Variants in SIDT1 observed in about 807,000 individuals in gnomAD.
SIDT1 encodes SID1 transmembrane family, member 1.
A neutral mutation model predicts 107.5 loss-of-function variants in SIDT1; 101 were observed. That is an observed-to-expected ratio of 0.94 (90% CI 0.80 to 1.11). The LOEUF (loss-of-function observed/expected upper bound fraction) is 1.11, where lower values mean the gene tolerates loss of function less well. SIDT1 is among the 50% of genes least tolerant of loss of function. The pLI, the probability that SIDT1 is intolerant of heterozygous loss-of-function variation, is 0.00. For synonymous variants in SIDT1, 395 were observed against 398.2 expected, an observed-to-expected ratio of 0.99 and a Z score of 0.10; for missense variants, 1,076 against 1,058.2, an observed-to-expected ratio of 1.02 and a Z score of -0.23.
At chr3:113,598,256 G>A (rs933929634) in intron 10 of SIDT1, among the ~76,000 whole-genome samples, 9 of 152,218 alleles carry the variant, frequency 5.9e-5, no homozygotes, top group Admixed American at 3.3e-4. Context: ...AGTCTGAACA[G>A]ACCTACACAG....
intron 1 of SIDT1, among the ~76,000 whole-genome samples, chr3:113,540,062 A>G (rs1938633933): frequency 1.3e-5 from 2 of 151,712 alleles, no homozygotes; most frequent in South Asian, 4.2e-4. Flanking sequence ...AAAGATGGCC[A>G]CTTGGAGAAA....
chr3:113,615,250 G>A (rs1273813386), intron 19 of SIDT1, among the ~76,000 whole-genome samples: 1 of 152,210 alleles, frequency 6.6e-6, no homozygotes, highest in African/African-American at 2.4e-5. Context: ...ACCCTAGCCT[G>A]CTCCATGCCT....
rs559096490 is a variant in SIDT1 at position 113,580,756 on chromosome 3, A to G, written c.663+47A>G. On this transcript the variant is annotated intron_variant, in intron 5 of 24. Transcript: ENST00000264852. ...ACCTTCTACTATAGAGCATTATATT[A>G]TTCCAGAACAAATGAAAGAGAAGGG... 14 of 1,179,818 alleles carry G rather than the reference A, an allele frequency of 1.2e-5. No homozygotes were observed. The African/African-American group carries it at 2.1e-4, about 18-fold the overall frequency. 73.1% of individuals were successfully genotyped at this position (1,179,818 alleles called of 1,614,324 possible).
chr3:113,611,965 G>A, intron 18 of SIDT1, 121 bp from the exon 19 acceptor site: 1 of 675,076 alleles, frequency 1.5e-6, no homozygotes, highest in South Asian at 1.8e-5. Context: ...TCCAGAGGGG[G>A]AGAAAAATAG....
chr3:113,614,977 A>G (rs1946000802), intron 19 of SIDT1: 3 of 1,402,380 alleles, frequency 2.1e-6, no homozygotes, highest in Non-Finnish European at 2.9e-6. Flanking sequence ...AGAAAAAATA[A>G]AATGACCAGT....
chr3:113,597,924 C>T lies in SIDT1; in HGVS notation c.1046-3664C>T, dbSNP rs1416662948. Among the ~76,000 whole-genome samples the T allele has an allele frequency of 3.3e-5, 5 of 152,290 alleles. No homozygotes were observed. In the South Asian group the frequency reaches 1.0e-3, roughly 32 times the overall value. ...GTTAAATATAGATATGGCTTGCCTT[C>T]CCAGACCATACTTGACGTTTAGAAG... On this transcript the variant is annotated intron_variant, in intron 10 of 24. Coordinates refer to ENST00000264852, the MANE Select transcript of SIDT1 (RefSeq NM_017699.3).
rs112159689 is a variant in SIDT1, at chr3:113,624,073, C to T, written c.2307+340C>T. Among the ~76,000 whole-genome samples, 429 of 152,300 alleles carry T rather than the reference C, an allele frequency of 2.8e-3. 7 individuals are homozygous for T. Among genetic ancestry groups the T allele is most frequent in the African/African-American group, 9.8e-3 (408 of 41,554 alleles). On this transcript the variant is annotated intron_variant, in intron 23 of 24. Coordinates refer to ENST00000264852, the MANE Select transcript of SIDT1 (RefSeq NM_017699.3). ...CATAATCTCCATCCATCAACAAATA[C>T]CCAAGCTGAGTGTCATTACATCCAG...
intron 1 of SIDT1, among the ~76,000 whole-genome samples, chr3:113,559,665 G>A (rs975293571): frequency 1.1e-4 from 17 of 152,030 alleles, no homozygotes; most frequent in African/African-American, 4.1e-4. Context: ...GGCTGGTTTC[G>A]AACTCCTGAG....
At chr3:113,611,881 C>T (rs898163868) in intron 18 of SIDT1, among the ~76,000 whole-genome samples, 1 of 150,844 alleles carries the variant, frequency 6.6e-6, no homozygotes, top group Non-Finnish European at 1.5e-5. Flanking sequence ...CTCCTATTTC[C>T]TTTTTCCATT....
chr3:113,602,999 T>C lies in SIDT1; in HGVS notation c.1118-6T>C. ...TTTGATGGCAGATGAGTTGTCTCTG[T>C]TTCAGATGAGTCAAGCTCCAGTCCT... On this transcript the variant is annotated splice_polypyrimidine_tract_variant and splice_region_variant and intron_variant, in intron 11 of 24. Coordinates refer to ENST00000264852, the MANE Select transcript of SIDT1 (RefSeq NM_017699.3). 11 of 1,613,470 alleles carry C rather than the reference T, an allele frequency of 6.8e-6. No homozygotes were observed. Among genetic ancestry groups the C allele is most frequent in the Non-Finnish European group, 8.5e-6 (10 of 1,179,694 alleles).
At chr3:113,607,211 G>C in intron 15 of SIDT1, 97 bp downstream of exon 15, 2 of 766,094 alleles carry the variant, frequency 2.6e-6, no homozygotes. Context: ...AACAACTGTG[G>C]AAAACGACCC....
chr3:113,576,102 C>G lies in SIDT1; in HGVS notation c.516-820C>G, dbSNP rs151076071. Among the ~76,000 whole-genome samples, 350 of 152,356 alleles carry G rather than the reference C, an allele frequency of 2.3e-3. 1 individual carries two copies. Among genetic ancestry groups the G allele is most frequent in the African/African-American group, 7.9e-3 (330 of 41,596 alleles). On this transcript the variant is annotated intron_variant, in intron 3 of 24. Transcript: ENST00000264852. ...TTTGTCTTTGTGACAAACACTTGAA[C>G]TGTTTCACAGATGCTCACAGCAGAC... is the stretch of plus-strand genomic sequence containing the variant.
At chr3:113,540,150 C>A (rs766389717) in intron 1 of SIDT1, among the ~76,000 whole-genome samples, 8 of 152,060 alleles carry the variant, frequency 5.3e-5, no homozygotes, top group Non-Finnish European at 1.2e-4. Context: ...AGAGAGAAAG[C>A]GAGAGACAGA....
chr3:113,559,440 T>A (rs529665434), intron 1 of SIDT1, among the ~76,000 whole-genome samples: 11,669 of 151,786 alleles, frequency 0.077, 884 homozygotes, highest in African/African-American at 0.2. Context: ...TATTTATTTT[T>A]TTTTTTTTTT....
chr3:113,615,148 G>GA, intron 19 of SIDT1: 2 of 1,473,250 alleles, frequency 1.4e-6, no homozygotes, highest in Non-Finnish European at 1.8e-6. Context: ...GGCTGTCCTG[G>GA]CAGCCCTGCT....
chr3:113,585,119 G>A (rs1943646540), intron 8 of SIDT1, 58 bp from the exon 9 acceptor site: 1 of 1,220,926 alleles, frequency 8.2e-7, no homozygotes, highest in Non-Finnish European at 1.2e-6. Flanking sequence ...TCCTGTCTCA[G>A]ATGGAGTCTT....
intron 8 of SIDT1, 33 bp downstream of exon 8, chr3:113,584,802 T>C: frequency 7.1e-7 from 1 of 1,417,352 alleles, no homozygotes. Context: ...ATTGAAGAGA[T>C]TCCTGTGTCA....
In SIDT1 at chr3:113,550,260, C is replaced by T. The variant is rs528401901; in HGVS notation, c.223-16160C>T. On this transcript the variant is annotated intron_variant, in intron 1 of 24. Coordinates refer to ENST00000264852, the MANE Select transcript of SIDT1 (RefSeq NM_017699.3). The stretch of plus-strand genomic sequence containing the variant: ...CATGGTCAGCCCATCAAGATTCTCC[C>T]TCTTTTCTGGGTAATATCCTGTGAT... Among the ~76,000 whole-genome samples, 49 of 152,308 alleles carry T rather than the reference C, an allele frequency of 3.2e-4. No individual in the cohort carries two copies. The South Asian group carries it at 5.0e-3, about 15-fold the overall frequency.
chr3:113,573,411 A>G (rs1452911177), intron 3 of SIDT1, among the ~76,000 whole-genome samples: 7 of 152,222 alleles, frequency 4.6e-5, no homozygotes, highest in African/African-American at 1.7e-4. Context: ...GAGTTGATCA[A>G]GAACAAGGCT....
Sources: allele counts gnomAD v4.1 joint callset (sites outside exome capture counted in the v4.1 genomes callset), GRCh38; gene constraint gnomAD v4.1.1; transcripts MANE v1.5; gene names NCBI Gene and HGNC (gene_info 2026-07-23, HGNC 2026-07-21).